Variants in CADPS observed in about 807,000 individuals in gnomAD.
CADPS encodes the protein calcium-dependent secretion activator 1.
CADPS carries 57 observed loss-of-function variants against 167.3 expected under a neutral mutation model. The observed-to-expected ratio is 0.34, with a 90% CI of 0.28 to 0.42. The LOEUF is 0.42. Among genes scored for constraint, CADPS ranks in the 20% least tolerant of loss-of-function variants. The probability of loss-of-function intolerance (pLI) is 1.00; values close to 1 mark genes in which losing one functional copy is unlikely to be tolerated. For missense variants in CADPS, 1,414 were observed against 1,738.1 expected (o/e 0.81, Z 3.32); for synonymous variants, 676 against 635.3 (o/e 1.06, Z -0.96).
At chr3:62,737,048 G>T (rs9844879) in intron 3 of CADPS, among the ~76,000 whole-genome samples, 37,666 of 151,812 alleles carry the variant, frequency 0.25, 5,283 homozygotes, top group African/African-American at 0.38. Context: ...TGAGGCAAAA[G>T]AATCACTTGA....
At chr3:62,492,576 A>C in intron 19 of CADPS, 130 bp from the exon 20 acceptor site, 1 of 900,406 alleles carries the variant, frequency 1.1e-6, no homozygotes, top group Non-Finnish European at 1.7e-6. Flanking sequence ...ATTTTATTGT[A>C]AAGAGAACAG....
chr3:62,469,976 C>T (rs764469916), intron 24 of CADPS, among the ~76,000 whole-genome samples: 4 of 152,160 alleles, frequency 2.6e-5, no homozygotes, highest in Non-Finnish European at 5.9e-5. Context: ...ACTTCCTGTG[C>T]TACACGTTTT....
chr3:62,469,191 C>T (rs1424309539), intron 24 of CADPS, among the ~76,000 whole-genome samples: 1 of 152,090 alleles, frequency 6.6e-6, no homozygotes, highest in African/African-American at 2.4e-5. Context: ...ATCAAAGCAG[C>T]CCCTATTCCT....
chr3:62,403,183 T>C lies in CADPS; in HGVS notation c.3780A>G (p.Gln1260=), dbSNP rs1707040888. 6.2e-6 allele frequency: 10 copies of C among 1,611,486 alleles called. No homozygotes were observed. Among genetic ancestry groups the C allele is most frequent in the African/African-American group, 1.3e-5 (1 of 74,850 alleles). ...EEMYIERLFD[Q]WYNSSMNVIC... ...TCACGTTCATGGAGCTGTTGTACCA[T>C]TGCTGAAAAAAGAGACAAAAGTTCT... is the stretch of plus-strand genomic sequence containing the variant. Residue 1260 remains glutamine (Q), a splice_region_variant and synonymous_variant, in exon 29 of 30, where the codon CAA becomes CAG. Coordinates refer to ENST00000383710, the MANE Select transcript of CADPS (RefSeq NM_003716.4).
intron 4 of CADPS, among the ~76,000 whole-genome samples, chr3:62,654,997 G>A (rs982961178): frequency 2.0e-5 from 3 of 152,088 alleles, no homozygotes; most frequent in Admixed American, 6.6e-5. Context: ...GAGGCCCGGT[G>A]GTTACAGATG....
intron 3 of CADPS, among the ~76,000 whole-genome samples, chr3:62,711,378 T>C (rs932956365): frequency 6.6e-6 from 1 of 152,204 alleles, no homozygotes; most frequent in Admixed American, 6.5e-5. Flanking sequence ...GTTGCCTACA[T>C]TCATAACTGA....
At chr3:62,702,932 A>G (rs960601404) in intron 3 of CADPS, among the ~76,000 whole-genome samples, 3 of 152,076 alleles carry the variant, frequency 2.0e-5, no homozygotes, top group Non-Finnish European at 4.4e-5. Context: ...GCCCCATTTC[A>G]TGGAAGAGGA....
intron 3 of CADPS, among the ~76,000 whole-genome samples, chr3:62,722,842 G>A (rs562671968): frequency 1.8e-4 from 28 of 152,098 alleles, no homozygotes; most frequent in African/African-American, 6.3e-4. Context: ...GGTGGGGGCC[G>A]TGAGGGTCCT....
chr3:62,554,501 G>C (rs1263965307), intron 10 of CADPS, among the ~76,000 whole-genome samples: 3 of 152,252 alleles, frequency 2.0e-5, no homozygotes, highest in East Asian at 3.9e-4. Flanking sequence ...ATAAAACCAA[G>C]AGAAAGAGGG....
intron 6 of CADPS, among the ~76,000 whole-genome samples, chr3:62,632,470 G>C (rs1006486351): frequency 6.6e-6 from 1 of 152,058 alleles, no homozygotes; most frequent in Non-Finnish European, 1.5e-5. Flanking sequence ...AGACTTTTTA[G>C]CGGTTTTATC....
intron 23 of CADPS, among the ~76,000 whole-genome samples, chr3:62,476,926 TA>T (rs969608215): frequency 1.3e-5 from 2 of 152,134 alleles, no homozygotes; most frequent in African/African-American, 4.8e-5. Context: ...TTCAAGACCC[TA>T]AGGAAATATT....
chr3:62,657,506 A>G (rs1295738653), intron 4 of CADPS, among the ~76,000 whole-genome samples: 1 of 152,190 alleles, frequency 6.6e-6, no homozygotes, highest in Non-Finnish European at 1.5e-5. Context: ...CAATTTAAAT[A>G]ACTTAGACTT....
chr3:62,581,490 A>G (rs1433743158), intron 8 of CADPS, among the ~76,000 whole-genome samples: 1 of 151,108 alleles, frequency 6.6e-6, no homozygotes, highest in African/African-American at 2.4e-5. Flanking sequence ...CAGCCAAGAC[A>G]ACATAGTGAG....
chr3:62,791,651 G>A (rs964594082), intron 1 of CADPS, among the ~76,000 whole-genome samples: 1 of 152,158 alleles, frequency 6.6e-6, no homozygotes, highest in Non-Finnish European at 1.5e-5. Context: ...TAAGTCAGCA[G>A]GTACCAGTAT....
At chr3:62,776,364 T>C (rs1218280450) in intron 1 of CADPS, among the ~76,000 whole-genome samples, 3 of 152,130 alleles carry the variant, frequency 2.0e-5, no homozygotes, top group Non-Finnish European at 2.9e-5. Context: ...TTTAAGAACA[T>C]GCAGAATTGG....
chr3:62,593,845 G>A (rs938795094), intron 6 of CADPS, among the ~76,000 whole-genome samples: 4 of 152,186 alleles, frequency 2.6e-5, no homozygotes, highest in Non-Finnish European at 5.9e-5. Context: ...CTGGATTTAA[G>A]TTATTGATTT....
intron 1 of CADPS, among the ~76,000 whole-genome samples, chr3:62,858,762 GT>G (rs1415131316): frequency 6.6e-6 from 1 of 151,750 alleles, no homozygotes; most frequent in Non-Finnish European, 1.5e-5. Flanking sequence ...TGAGTTCAAG[GT>G]TATGAAACAA....
intron 3 of CADPS, among the ~76,000 whole-genome samples, chr3:62,684,777 G>A (rs2077704468): frequency 6.6e-6 from 1 of 151,916 alleles, no homozygotes; most frequent in Non-Finnish European, 1.5e-5. Context: ...CTATGCACCT[G>A]GTCAGAGTAA....
At chr3:62,766,743 C>T (rs2086982088) in intron 1 of CADPS, among the ~76,000 whole-genome samples, 1 of 152,176 alleles carries the variant, frequency 6.6e-6, no homozygotes, top group South Asian at 2.1e-4. Flanking sequence ...CATTCTTCCT[C>T]CTCACCCCTT....
Sources: gnomAD v4.1 joint callset for allele counts (sites outside exome capture counted in the v4.1 genomes callset) on GRCh38, gnomAD v4.1.1 for gene constraint, MANE v1.5 for transcripts, NCBI Gene and HGNC (gene_info 2026-07-23, HGNC 2026-07-21) for gene names.